DENND5A: variants seen among roughly 807,000 people sequenced by gnomAD.
DENND5A encodes the protein DENN domain containing 5A, also known as DENN domain-containing protein 5A.
In DENND5A, 64 loss-of-function variants were observed where a neutral mutation model predicts 140.3. The ratio of observed to expected loss-of-function variants is 0.46; its 90% confidence interval spans 0.37 to 0.56. The LOEUF is 0.56. DENND5A is among the 20% of genes least tolerant of loss of function. The probability of loss-of-function intolerance (pLI) is 0.00; values close to 1 mark genes in which losing one functional copy is unlikely to be tolerated. For synonymous variants in DENND5A, 605 were observed against 607.7 expected (o/e 1.00, Z 0.07); for missense variants, 1,292 against 1,593.8 (o/e 0.81, Z 3.22).
chr11:9,195,588 T>TA (rs1347006919), intron 4 of DENND5A, among the ~76,000 whole-genome samples: 1 of 152,170 alleles, frequency 6.6e-6, no homozygotes, highest in African/African-American at 2.4e-5. Flanking sequence ...GTTCATAAAG[T>TA]AGTTGTAAGT....
chr11:9,172,767 T>A (rs1848412931), intron 8 of DENND5A, among the ~76,000 whole-genome samples: 1 of 152,140 alleles, frequency 6.6e-6, no homozygotes, highest in African/African-American at 2.4e-5. Context: ...CATAGCAGCA[T>A]GAGAATAAAC....
At chr11:9,231,426 G>A (rs1305559160) in intron 1 of DENND5A, among the ~76,000 whole-genome samples, 1 of 152,134 alleles carries the variant, frequency 6.6e-6, no homozygotes. Flanking sequence ...TTAAGACTCT[G>A]GGAGCCAGGC....
At chr11:9,199,538 T>C (rs1455606532) in intron 4 of DENND5A, among the ~76,000 whole-genome samples, 1 of 152,158 alleles carries the variant, frequency 6.6e-6, no homozygotes, top group Non-Finnish European at 1.5e-5. Flanking sequence ...AATTAAAAAT[T>C]ATGCTATTAA....
chr11:9,156,430 G>C (rs1847804074), intron 12 of DENND5A, among the ~76,000 whole-genome samples: 1 of 152,060 alleles, frequency 6.6e-6, no homozygotes, highest in South Asian at 2.1e-4. Context: ...AGAAATTCCA[G>C]TCTGGCCAAC....
chr11:9,214,469 C>T (rs1850007576), intron 1 of DENND5A, among the ~76,000 whole-genome samples: 1 of 152,196 alleles, frequency 6.6e-6, no homozygotes, highest in South Asian at 2.1e-4. Context: ...TAAATACAGG[C>T]ACACATACAC....
chr11:9,189,737 T>A (rs988823562), intron 5 of DENND5A, among the ~76,000 whole-genome samples: 1 of 152,072 alleles, frequency 6.6e-6, no homozygotes, highest in African/African-American at 2.4e-5. Context: ...ACCTCCCAGA[T>A]TCAAGCAATT....
chr11:9,237,481 C>G (rs1189474218), intron 1 of DENND5A, among the ~76,000 whole-genome samples: 1 of 152,152 alleles, frequency 6.6e-6, no homozygotes, highest in Non-Finnish European at 1.5e-5. Flanking sequence ...AGCGGTAACA[C>G]TTTATTACAG....
chr11:9,199,715 C>T (rs1849461964), intron 4 of DENND5A, among the ~76,000 whole-genome samples: 2 of 152,192 alleles, frequency 1.3e-5, no homozygotes. Context: ...CTATGTAACA[C>T]CTCTTTTCTA....
intron 2 of DENND5A, 120 bp from the exon 3 acceptor site, chr11:9,206,902 C>T: frequency 4.4e-6 from 3 of 687,654 alleles, no homozygotes; most frequent in South Asian, 1.7e-5. Context: ...GGTTAGTATG[C>T]CAACCATCTA....
At chr11:9,245,280 A>G (rs1851421412) in intron 1 of DENND5A, 1 of 129,774 alleles carries the variant, frequency 7.7e-6, no homozygotes, top group Non-Finnish European at 1.7e-5. Context: ...CAAGACTGTC[A>G]CCAAAAAAAA....
rs149815160 is a variant in DENND5A, at chr11:9,145,808, C to A, written c.2865G>T (p.Pro955=). ...FTNVFTTILI[P]YHILIVPSKK... The stretch of plus-strand genomic sequence containing the variant: ...TGCTTGGTACGATCAGAATGTGGTA[C>A]GGGATCACTGTTTAGGGGAAGCCAC... The change falls in exon 17 of 23, where the codon CCG becomes CCT. Residue 955 remains proline, a synonymous_variant. Coordinates refer to ENST00000328194, the MANE Select transcript of DENND5A (RefSeq NM_015213.4). The A allele has an allele frequency of 1.2e-6, 2 of 1,614,134 alleles. No individual in the cohort carries two copies. Among genetic ancestry groups the A allele is most frequent in the Non-Finnish European group, 1.7e-6 (2 of 1,180,002 alleles).
chr11:9,204,089 G>C lies in DENND5A; in HGVS notation c.520C>G (p.Gln174Glu). The change falls in exon 4 of 23, where the codon CAG becomes GAG. Residue 174 changes from glutamine to glutamate, a missense_variant. Around this residue, in one of 4 missense-constraint regions of DENND5A, gnomAD observed 566 missense variants for 650.4 expected, o/e 0.87. Coordinates refer to ENST00000328194, the MANE Select transcript of DENND5A (RefSeq NM_015213.4). ...LHAPPADDRD[Q>E]SSMEDGEDTP... ...TCTTCACCATCCTCCATGCTGCTCTGGTCTCTGTCATCAGCAGGGGGAGCA... is the reference window on the plus strand; with the variant it reads ...TCTTCACCATCCTCCATGCTGCTCTCGTCTCTGTCATCAGCAGGGGGAGCA... 1 of 1,614,156 alleles carries C rather than the reference G, an allele frequency of 6.2e-7. No individual in the cohort carries two copies. Among genetic ancestry groups the C allele is most frequent in the Non-Finnish European group, 8.5e-7 (1 of 1,180,034 alleles).
intron 10 of DENND5A, among the ~76,000 whole-genome samples, chr11:9,166,428 A>G (rs2136150427): frequency 6.6e-6 from 1 of 152,314 alleles, no homozygotes; most frequent in South Asian, 2.1e-4. Context: ...ATAGTTAGGA[A>G]TAGAAAATTT....
In DENND5A at chr11:9,164,194, ATTTTTTTTTTTTTTTTTTTT is replaced by A. The variant is rs779522112; in HGVS notation, c.2283+1622_2283+1641del. On this transcript the variant is annotated intron_variant, in intron 11 of 22. Coordinates refer to ENST00000328194, the MANE Select transcript of DENND5A (RefSeq NM_015213.4). ...CTAAAGGTGTGCACCACCACGCCTA[ATTTTTTTTTTTTTTTTTTTT>A]TTTTTTTTTTTTTTTTTTAGTAGAG... Among the ~76,000 whole-genome samples, 312 of 79,068 alleles carry A rather than the reference ATTTTTTTTTTTTTTTTTTTT, an allele frequency of 3.9e-3. 3 individuals are homozygous for A. The highest frequency in any genetic ancestry group is 0.013 in the African/African-American group (273 of 20,648). The allele number at this position is 79,068 out of a possible 152,430, so 51.9% of individuals were successfully genotyped here. A position where few individuals can be genotyped will look rare whatever the true frequency, so the allele number is the denominator to read the frequency against.
chr11:9,230,412 T>A (rs1245549960), intron 1 of DENND5A, among the ~76,000 whole-genome samples: 2 of 151,714 alleles, frequency 1.3e-5, no homozygotes, highest in African/African-American at 4.8e-5. Context: ...GGCTAATTTT[T>A]AAAAATTTTT....
intron 10 of DENND5A, among the ~76,000 whole-genome samples, chr11:9,166,789 G>A (rs183896135): frequency 4.6e-5 from 7 of 151,908 alleles, no homozygotes; most frequent in East Asian, 1.9e-4. Context: ...CTGAGATCGC[G>A]CCACTGCACT....
intron 1 of DENND5A, among the ~76,000 whole-genome samples, chr11:9,242,014 CAAAAAA>C (rs965240891): frequency 3.4e-5 from 2 of 58,168 alleles, no homozygotes; most frequent in South Asian, 5.0e-4. Context: ...AACTCCGTCT[CAAAAAA>C]AAAAAAAAAA....
At chr11:9,148,228 C>A (rs1331642399) in intron 15 of DENND5A, among the ~76,000 whole-genome samples, 2 of 151,774 alleles carry the variant, frequency 1.3e-5, no homozygotes, top group African/African-American at 2.4e-5. Context: ...GAAATTTAGA[C>A]AACTGTTGTA....
chr11:9,178,618 T>C (rs1848623726), intron 7 of DENND5A, among the ~76,000 whole-genome samples: 1 of 152,176 alleles, frequency 6.6e-6, no homozygotes, highest in Admixed American at 6.5e-5. Context: ...ATGTTCACTC[T>C]ACATGTCTAT....
Sources: gnomAD v4.1 joint callset for allele counts (sites outside exome capture counted in the v4.1 genomes callset) on GRCh38, gnomAD v4.1.1 for gene constraint, gnomAD v4.1.1 regional missense constraint, MANE v1.5 for transcripts, NCBI Gene and HGNC (gene_info 2026-07-23, HGNC 2026-07-21) for gene names.